Variants in EPB41 observed in about 807,000 individuals in gnomAD.
EPB41 encodes the protein protein 4.1.
A neutral mutation model predicts 108.0 loss-of-function variants in EPB41; 65 were observed. The ratio of observed to expected loss-of-function variants is 0.60; its 90% CI spans 0.49 to 0.74. The LOEUF (loss-of-function observed/expected upper bound fraction) is 0.74. Ranked by LOEUF, EPB41 falls within the 30% of genes least tolerant of loss-of-function variation. The pLI, the probability that EPB41 is intolerant of heterozygous loss-of-function variation, is 0.00. For synonymous variants in EPB41, 336 were observed against 358.9 expected, an observed-to-expected ratio of 0.94 and a Z score of 0.72; for missense variants, 875 against 1,037.0, an observed-to-expected ratio of 0.84 and a Z score of 2.15.
chr1:28,903,084 G>T (rs1289101490), intron 1 of EPB41, among the ~76,000 whole-genome samples: 1 of 152,108 alleles, frequency 6.6e-6, no homozygotes, highest in African/African-American at 2.4e-5. Context: ...ACTCTACAGG[G>T]TTGTTGTGAG....
rs550843246 is a variant in EPB41 at position 29,102,841 on chromosome 1, C to T, written c.2313+4906C>T. Among the ~76,000 whole-genome samples the T allele has an allele frequency of 4.6e-5, 7 of 152,280 alleles. No individual in the cohort carries two copies. In the South Asian group the frequency reaches 1.0e-3, roughly 23 times the overall value. On this transcript the variant is annotated intron_variant, in intron 17 of 20. Transcript: ENST00000343067. ...AGGCTGGAATGCAGTGGTGCCATCT[C>T]GGCTCACTGCAACCTCCACCTCCTG...
At chr1:28,995,542 C>T (rs1195760460) in intron 3 of EPB41, among the ~76,000 whole-genome samples, 1 of 152,154 alleles carries the variant, frequency 6.6e-6, no homozygotes, top group African/African-American at 2.4e-5. Context: ...AGCCTGGCGA[C>T]AGAGTGAGAC....
At chr1:29,069,216 A>C in intron 16 of EPB41, 1 of 1,231,640 alleles carries the variant, frequency 8.1e-7, no homozygotes. Flanking sequence ...TGTGCAAAGA[A>C]CCAGTGTTGA....
intron 20 of EPB41, among the ~76,000 whole-genome samples, chr1:29,116,013 T>C (rs930077744): frequency 2.6e-5 from 4 of 152,160 alleles, no homozygotes; most frequent in African/African-American, 9.7e-5. Flanking sequence ...GCCAGCATTA[T>C]TGGGTAAGAG....
At chr1:29,047,388 C>T (rs914152726) in intron 11 of EPB41, among the ~76,000 whole-genome samples, 2 of 150,494 alleles carry the variant, frequency 1.3e-5, no homozygotes, top group Non-Finnish European at 3.0e-5. Flanking sequence ...TAGCTGGTAC[C>T]ACAAGTTCAC....
chr1:29,102,641 G>A (rs1425373003), intron 17 of EPB41, among the ~76,000 whole-genome samples: 1 of 152,148 alleles, frequency 6.6e-6, no homozygotes, highest in Non-Finnish European at 1.5e-5. Context: ...AGGCTGGAGT[G>A]CAGTGGCATG....
chr1:29,102,988 G>A (rs889169038), intron 17 of EPB41, among the ~76,000 whole-genome samples: 4 of 152,108 alleles, frequency 2.6e-5, no homozygotes, highest in African/African-American at 9.7e-5. Context: ...GGTCAGGCTG[G>A]TCTCGAACTC....
intron 1 of EPB41, among the ~76,000 whole-genome samples, chr1:28,924,753 A>G (rs1450169321): frequency 6.6e-6 from 1 of 152,188 alleles, no homozygotes; most frequent in Admixed American, 6.5e-5. Flanking sequence ...TCATAAGTAC[A>G]TTGGGACATA....
At chr1:28,938,219 T>G (rs1175409904) in intron 1 of EPB41, among the ~76,000 whole-genome samples, 9 of 152,202 alleles carry the variant, frequency 5.9e-5, no homozygotes, top group Admixed American at 5.9e-4. Context: ...TTAGCATCAG[T>G]TTTGTCCATT....
chr1:28,959,638 C>T (rs1041144166), intron 1 of EPB41, among the ~76,000 whole-genome samples: 1 of 151,926 alleles, frequency 6.6e-6, no homozygotes, highest in Non-Finnish European at 1.5e-5. Flanking sequence ...TATTTATAGT[C>T]GAGTGAATTA....
chr1:28,978,079 T>G (rs2149393995), intron 1 of EPB41, among the ~76,000 whole-genome samples: 1 of 151,518 alleles, frequency 6.6e-6, no homozygotes, highest in Non-Finnish European at 1.5e-5. Context: ...CTGATTGTTT[T>G]CTAGCATTTA....
At chr1:29,054,557 A>C (rs887422685) in intron 12 of EPB41, 5 of 98,318 alleles carry the variant, frequency 5.1e-5, no homozygotes, top group Admixed American at 4.2e-4. Context: ...AAAAAAAAAA[A>C]AAAACTGTTA....
intron 1 of EPB41, among the ~76,000 whole-genome samples, chr1:28,980,910 T>C (rs2095727520): frequency 6.6e-6 from 1 of 151,160 alleles, no homozygotes. Context: ...GTAGCGGGGA[T>C]TACAGACGTC....
intron 1 of EPB41, among the ~76,000 whole-genome samples, chr1:28,914,997 A>G (rs1419045440): frequency 1.3e-5 from 2 of 151,630 alleles, no homozygotes; most frequent in African/African-American, 2.4e-5. Flanking sequence ...CCGCTGAGGA[A>G]AGGGGAAGGG....
chr1:28,895,414 T>C (rs2090562195), intron 1 of EPB41, among the ~76,000 whole-genome samples: 1 of 151,994 alleles, frequency 6.6e-6, no homozygotes, highest in Admixed American at 6.6e-5. Flanking sequence ...GTCAAGTGAG[T>C]CACCCAGAAT....
intron 15 of EPB41, among the ~76,000 whole-genome samples, chr1:29,061,572 GTTTTTTTT>G (rs34413393): frequency 3.1e-5 from 2 of 64,050 alleles, no homozygotes; most frequent in East Asian, 1.2e-3. Flanking sequence ...CCTGGCCTTT[GTTTTTTTT>G]TTTTTTTTTT....
chr1:28,999,887 G>A (rs888380068), intron 4 of EPB41, among the ~76,000 whole-genome samples: 1 of 151,822 alleles, frequency 6.6e-6, no homozygotes, highest in African/African-American at 2.4e-5. Flanking sequence ...GGGCTCAATC[G>A]ATCCTCCCAC....
chr1:28,890,120 C>A (rs1476142666), intron 1 of EPB41, among the ~76,000 whole-genome samples: 1 of 152,032 alleles, frequency 6.6e-6, no homozygotes, highest in Non-Finnish European at 1.5e-5. Flanking sequence ...TCACTGCAAC[C>A]TTCACCTCCT....
chr1:28,925,591 A>G (rs996285330), intron 1 of EPB41, among the ~76,000 whole-genome samples: 6 of 152,084 alleles, frequency 3.9e-5, no homozygotes, highest in African/African-American at 1.2e-4. Flanking sequence ...CAGAGTCCTA[A>G]ATGGAGTAAG....
Sources: gnomAD v4.1 joint callset for allele counts (sites outside exome capture counted in the v4.1 genomes callset) on GRCh38, gnomAD v4.1.1 for gene constraint, MANE v1.5 for transcripts, NCBI Gene and HGNC (gene_info 2026-07-23, HGNC 2026-07-21) for gene names.